Variants in PPP2R2C observed in about 807,000 individuals in gnomAD.
PPP2R2C encodes the protein protein phosphatase 2, regulatory subunit B, gamma.
In PPP2R2C, 10 loss-of-function variants were observed where a neutral mutation model predicts 45.3. The ratio of observed to expected loss-of-function variants is 0.22; its 90% CI spans 0.14 to 0.37. The LOEUF is 0.37. PPP2R2C is among the 10% of genes least tolerant of loss of function. PPP2R2C has a pLI of 1.00. For missense variants in PPP2R2C, 308 were observed against 619.7 expected, an observed-to-expected ratio of 0.50 and a Z score of 5.34; for synonymous variants, 257 against 245.4, an observed-to-expected ratio of 1.05 and a Z score of -0.44.
At chr4:6,394,163 G>C (rs1716857359) in intron 1 of PPP2R2C, among the ~76,000 whole-genome samples, 1 of 152,224 alleles carries the variant, frequency 6.6e-6, no homozygotes, top group South Asian at 2.1e-4. Context: ...CATTCTGACA[G>C]GTTTTCCTGT....
chr4:6,456,322 T>A (rs1721033679), intron 1 of PPP2R2C, among the ~76,000 whole-genome samples: 1 of 136,172 alleles, frequency 7.3e-6, no homozygotes, highest in South Asian at 2.8e-4. Flanking sequence ...CCCCCCCCTT[T>A]ATTCTACTGT....
chr4:6,378,204 G>A lies in PPP2R2C; in HGVS notation c.334+203C>T, dbSNP rs559543564. 13 of 626,886 alleles carry A rather than the reference G, an allele frequency of 2.1e-5. No individual in the cohort carries two copies. The highest frequency in any genetic ancestry group is 2.0e-5 in the Non-Finnish European group (10 of 502,842). 38.8% of individuals were successfully genotyped at this position (626,886 alleles called of 1,614,324 possible). On this transcript the variant is annotated intron_variant, in intron 3 of 8. Coordinates refer to ENST00000382599, the MANE Select transcript of PPP2R2C (RefSeq NM_020416.4). The surrounding 1 kb of genome is among the most constrained non-coding windows in gnomAD (Gnocchi z 5.2). ...TACATGCTGCTCAAAAAGGGGGGCA[G>A]CCCTGTGTCCAGACACAGGGAGCGT...
chr4:6,506,249 C>T (rs957109977), intron 2 of PPP2R2C, among the ~76,000 whole-genome samples: 1 of 152,168 alleles, frequency 6.6e-6, no homozygotes, highest in Non-Finnish European at 1.5e-5. Context: ...CTTCCAATAT[C>T]TATTTTGTGT....
chr4:6,424,240 C>T (rs1473405032), intron 1 of PPP2R2C, among the ~76,000 whole-genome samples: 2 of 152,242 alleles, frequency 1.3e-5, no homozygotes, highest in African/African-American at 2.4e-5. Flanking sequence ...CTTTCAGGGC[C>T]ACTGTCCCAT....
At chr4:6,395,376 C>T (rs555442572) in intron 1 of PPP2R2C, among the ~76,000 whole-genome samples, 26 of 152,332 alleles carry the variant, frequency 1.7e-4, no homozygotes, top group Non-Finnish European at 2.8e-4. Flanking sequence ...ACGGACCCCG[C>T]GGGCATGTCC....
chr4:6,410,047 G>A (rs1478407730), intron 1 of PPP2R2C, among the ~76,000 whole-genome samples: 1 of 152,176 alleles, frequency 6.6e-6, no homozygotes, highest in African/African-American at 2.4e-5. Flanking sequence ...CTTAAGCAGA[G>A]GGGGCTCCAG....
chr4:6,359,343 C>T (rs945161394), intron 5 of PPP2R2C, among the ~76,000 whole-genome samples: 13 of 152,058 alleles, frequency 8.5e-5, no homozygotes. Context: ...CAGGACCTGT[C>T]ATGGAGTGGG....
intron 1 of PPP2R2C, among the ~76,000 whole-genome samples, chr4:6,538,255 C>G (rs1276870032): frequency 6.6e-6 from 1 of 152,146 alleles, no homozygotes; most frequent in African/African-American, 2.4e-5. Flanking sequence ...GCTGGGGCGT[C>G]AGATTTGGGA....
At chr4:6,388,309 C>T (rs1197062756) in intron 1 of PPP2R2C, among the ~76,000 whole-genome samples, 6 of 152,176 alleles carry the variant, frequency 3.9e-5, no homozygotes, top group African/African-American at 1.2e-4. Flanking sequence ...CCTAGTGACC[C>T]GCCCAGTAAC....
At chr4:6,491,098 T>C (rs1722687374) in intron 2 of PPP2R2C, among the ~76,000 whole-genome samples, 1 of 152,164 alleles carries the variant, frequency 6.6e-6, no homozygotes, top group Non-Finnish European at 1.5e-5. Context: ...TTTTATCCCA[T>C]TTCCCCCACT....
chr4:6,464,229 G>A (rs752764210), intron 1 of PPP2R2C, among the ~76,000 whole-genome samples: 1 of 152,202 alleles, frequency 6.6e-6, no homozygotes, highest in Non-Finnish European at 1.5e-5. Context: ...TCATAATAAT[G>A]GCTATTGTGT....
intron 2 of PPP2R2C, among the ~76,000 whole-genome samples, chr4:6,510,484 A>G (rs980517874): frequency 3.3e-5 from 5 of 152,142 alleles, no homozygotes; most frequent in African/African-American, 1.2e-4. Flanking sequence ...TGGTGCTTAT[A>G]TGTACCCGAA....
chr4:6,469,582 C>A (rs866730158), intron 1 of PPP2R2C, among the ~76,000 whole-genome samples: 2 of 152,226 alleles, frequency 1.3e-5, no homozygotes, highest in Non-Finnish European at 1.5e-5. Context: ...AGCAAAATCA[C>A]TGATCATCCC....
At chr4:6,414,084 G>T in intron 1 of PPP2R2C, 1 of 805,438 alleles carries the variant, frequency 1.2e-6, no homozygotes, top group South Asian at 2.4e-5. Flanking sequence ...GTATGTGTGT[G>T]TGTGTGTGTG....
intron 1 of PPP2R2C, among the ~76,000 whole-genome samples, chr4:6,420,408 G>A (rs992349247): frequency 6.6e-6 from 1 of 152,176 alleles, no homozygotes; most frequent in African/African-American, 2.4e-5. Flanking sequence ...GGATCTCACA[G>A]GTCCAGGGAC....
At chr4:6,532,307 G>A (rs2108823590) in intron 2 of PPP2R2C, among the ~76,000 whole-genome samples, 1 of 152,344 alleles carries the variant, frequency 6.6e-6, no homozygotes, top group South Asian at 2.1e-4. Flanking sequence ...GGGTTGCCCA[G>A]CAAAGTCAGA....
In PPP2R2C at chr4:6,479,584, CACTT is replaced by C. The variant is rs1391903591; in HGVS notation, c.49+55683_49+55686del. On this transcript the variant is annotated intron_variant, in intron 2 of 9. Coordinates refer to the PPP2R2C transcript ENST00000506140. ...TGAATTTCTGCCCCTGCACGAGTAACACTTGCTTGTGACAGAAAATTTGGAAGTA... is the reference window on the plus strand; with the variant it reads ...TGAATTTCTGCCCCTGCACGAGTAACGCTTGTGACAGAAAATTTGGAAGTA... Among the ~76,000 whole-genome samples, 7 of 152,194 alleles carry C rather than the reference CACTT, an allele frequency of 4.6e-5. 1 individual carries two copies. The East Asian group carries it at 9.6e-4, about 21-fold the overall frequency.
intron 2 of PPP2R2C, among the ~76,000 whole-genome samples, chr4:6,493,600 G>A (rs1722780285): frequency 6.6e-6 from 1 of 151,246 alleles, no homozygotes. Flanking sequence ...GATCGATCTA[G>A]TGCAAAATGA....
chr4:6,439,111 T>C (rs1025885877), intron 1 of PPP2R2C, among the ~76,000 whole-genome samples: 1 of 152,216 alleles, frequency 6.6e-6, no homozygotes, highest in African/African-American at 2.4e-5. Flanking sequence ...ATAGGATGTT[T>C]CCCCTCTAGA....
Sources: gnomAD v4.1 joint callset for allele counts (sites outside exome capture counted in the v4.1 genomes callset) on GRCh38, gnomAD v4.1.1 for gene constraint, Gnocchi (gnomAD v3.1) non-coding constraint, MANE v1.5 for transcripts, NCBI Gene and HGNC (gene_info 2026-07-23, HGNC 2026-07-21) for gene names.